ZHX1: variants seen among roughly 807,000 people sequenced by gnomAD.
The protein encoded by ZHX1 is zinc fingers and homeoboxes 1, also known as zinc fingers and homeoboxes protein 1.
A neutral mutation model predicts 61.8 loss-of-function variants in ZHX1; 20 were observed. The ratio of observed to expected loss-of-function variants is 0.32; its 90% CI spans 0.23 to 0.47. ZHX1 has a LOEUF of 0.47. ZHX1 is among the 20% of genes least tolerant of loss of function. The pLI, the probability that ZHX1 is intolerant of heterozygous loss-of-function variation, is 1.00. For missense variants in ZHX1, 800 were observed against 1,034.8 expected (o/e 0.77, Z 3.11); for synonymous variants, 318 against 352.6 (o/e 0.90, Z 1.10).
chr8:123,269,765 T>C (rs1437658253), intron 1 of ZHX1, among the ~76,000 whole-genome samples: 2 of 152,250 alleles, frequency 1.3e-5, no homozygotes. Context: ...TTCTGGAATA[T>C]TCCTTGGTAC....
Position 123,255,327 on chromosome 8 carries a change from G to C in ZHX1, c.620C>G (p.Pro207Arg). Residue 207 changes from proline (P) to arginine (R), a missense_variant, in exon 3 of 4, where the codon CCT (proline) becomes CGT (arginine). Transcript: ENST00000395571. ...TTTGATTTCATTCTCTTTCTCTTCA[G>C]GAACGTCCTCAACTGAGTTATGATG... ...AVHHNSVEDVPEEKENEIKPD... is the reference protein window; with the variant it reads ...AVHHNSVEDVREEKENEIKPD... 1 of 1,614,068 alleles carries C rather than the reference G, an allele frequency of 6.2e-7. No individual in the cohort carries two copies. The highest frequency in any genetic ancestry group is 8.5e-7 in the Non-Finnish European group (1 of 1,180,022).
chr8:123,267,607 C>T (rs1028751978), intron 1 of ZHX1, among the ~76,000 whole-genome samples: 2 of 151,918 alleles, frequency 1.3e-5, no homozygotes, highest in Admixed American at 6.6e-5. Context: ...TCATATAGAA[C>T]AACTAAATAA....
chr8:123,266,840 A>G (rs1249953648), intron 2 of ZHX1, among the ~76,000 whole-genome samples: 1 of 152,164 alleles, frequency 6.6e-6, no homozygotes, highest in African/African-American at 2.4e-5. Flanking sequence ...TTAGTAGCCT[A>G]CGTTTTGAAA....
At chr8:123,263,641 G>C (rs1826358943) in intron 2 of ZHX1, among the ~76,000 whole-genome samples, 1 of 151,996 alleles carries the variant, frequency 6.6e-6, no homozygotes, top group African/African-American at 2.4e-5. Flanking sequence ...AGACCAACCT[G>C]GTCAACGTGG....
At chr8:123,274,963 C>T (rs1826799388), upstream of ZHX1, among the ~76,000 whole-genome samples, 1 of 152,176 alleles carries the variant, frequency 6.6e-6, no homozygotes, top group South Asian at 2.1e-4. Context: ...CAGAAGTCGC[C>T]GCGCCCCTTG....
In ZHX1 at chr8:123,253,579, G is replaced by T. The variant is rs1403594071; in HGVS notation, c.2368C>A (p.Leu790Met). Residue 790 changes from leucine to methionine, a missense_variant, in exon 3 of 4, where the codon CTG becomes ATG. Leu to Met is a conservative substitution (Grantham distance 15). Coordinates refer to ENST00000395571, the MANE Select transcript of ZHX1 (RefSeq NM_007222.5). ...TGCTCATTAAGAAACTTGTGCTTCA[G>T]GTAATAATCCTTAAGTATTGCAGTT... ...TGTAILKDYYLKHKFLNEQDL... is the reference protein window; with the variant it reads ...TGTAILKDYYMKHKFLNEQDL... The T allele has an allele frequency of 1.2e-6, 2 of 1,614,082 alleles. No homozygotes were observed. Among genetic ancestry groups the T allele is most frequent in the Non-Finnish European group, 1.7e-6 (2 of 1,180,038 alleles).
rs73703787 is a variant in ZHX1, at chr8:123,262,173, G to A, written c.-226+5100C>T. 8.4e-3 allele frequency among the ~76,000 whole-genome samples: 1,281 copies of A among 152,272 alleles called. 15 individuals are homozygous for A. The highest frequency in any genetic ancestry group is 0.029 in the African/African-American group (1,202 of 41,548). On this transcript the variant is annotated intron_variant, in intron 2 of 3. Transcript: ENST00000395571. ...CAATAAAAAAAAGTATGCTGTCAAT[G>A]CATCCAGCACTGTAAATGTAATTAC... is the stretch of plus-strand genomic sequence containing the variant.
chr8:123,268,500 CT>C (rs910220448), intron 1 of ZHX1, among the ~76,000 whole-genome samples: 13 of 149,258 alleles, frequency 8.7e-5, no homozygotes, highest in African/African-American at 1.5e-4. Context: ...TGGTTGTATT[CT>C]TTTTTTTTTG....
In ZHX1 at chr8:123,248,746, T is replaced by C. The variant is rs1869248; in HGVS notation, c.*1578A>G. The C allele has an allele frequency of 2.0e-5, 3 of 152,622 alleles. No homozygotes were observed. Among genetic ancestry groups the C allele is most frequent in the Non-Finnish European group, 4.4e-5 (3 of 67,994 alleles). The allele number at this position is 152,622 out of a possible 1,614,324, so 9.5% of individuals were successfully genotyped here. A position where few individuals can be genotyped will look rare whatever the true frequency, so the allele number is the denominator to read the frequency against. ...AAAACTCAGACCACATTAGCAATGT[T>C]TATAAAAGGGAGCAATTTAATCATT... On this transcript the variant is annotated 3_prime_UTR_variant, in exon 4 of 4. Transcript: ENST00000395571.
rs1825996783 is a variant in ZHX1 at position 123,254,104 on chromosome 8, A to C, written c.1843T>G (p.Trp615Gly). Residue 615 changes from tryptophan to glycine, a missense_variant, in exon 3 of 4, where the codon TGG becomes GGG. Trp to Gly is a radical substitution (Grantham distance 184, BLOSUM62 -2). Transcript: ENST00000395571. This position sits in a 1 kb window ranked among gnomAD's most constrained non-coding sequence, Gnocchi z 4.1. ...TKLTRREIDA[W>G]FTEKKKSKAL... ...TTTGATTTCTTCTTCTCTGTAAACC[A>C]AGCATCGATTTCTCTTCTGGTAAGT... is the stretch of plus-strand genomic sequence containing the variant. 6.2e-7 allele frequency: 1 copy of C among 1,613,962 alleles called. No homozygotes were observed. The highest frequency in any genetic ancestry group is 8.5e-7 in the Non-Finnish European group (1 of 1,180,018).
chr8:123,258,126 T>TG (rs1563811143), intron 2 of ZHX1, among the ~76,000 whole-genome samples: 1 of 152,214 alleles, frequency 6.6e-6, no homozygotes, highest in Non-Finnish European at 1.5e-5. Flanking sequence ...GTCTGGGTCA[T>TG]GGGGTCAGAT....
intron 2 of ZHX1, among the ~76,000 whole-genome samples, chr8:123,266,557 G>C (rs73703789): frequency 0.036 from 5,472 of 152,078 alleles, 321 homozygotes; most frequent in African/African-American, 0.12. Context: ...TAGGACAAAT[G>C]CTTCTTATAA....
chr8:123,269,312 GTAAAGGCACCAGGA>G (rs1201779651), intron 1 of ZHX1, among the ~76,000 whole-genome samples: 2 of 152,196 alleles, frequency 1.3e-5, no homozygotes, highest in Non-Finnish European at 2.9e-5. Flanking sequence ...GCCAAGACAT[GTAAAGGCACCAGGA>G]TACCAGAGGA....
intron 2 of ZHX1, among the ~76,000 whole-genome samples, chr8:123,261,134 C>A (rs1826243966): frequency 6.6e-6 from 1 of 151,982 alleles, no homozygotes; most frequent in Non-Finnish European, 1.5e-5. Flanking sequence ...CTGAGAAGTC[C>A]CAAAAGAGTT....
intron 3 of ZHX1, chr8:123,252,620 T>G (rs1406269701): frequency 6.6e-6 from 1 of 152,180 alleles, no homozygotes; most frequent in Non-Finnish European, 1.5e-5. Flanking sequence ...ATATCACAGT[T>G]TTCAAAGACA....
At position 123,250,873 on chromosome 8, in the gene ZHX1, T is replaced by C. The variant is rs968997435; in HGVS notation, c.*4-553A>G. On this transcript the variant is annotated intron_variant, in intron 3 of 3. Coordinates refer to ENST00000395571, the MANE Select transcript of ZHX1 (RefSeq NM_007222.5). ...TATTTAAAAAGGCATGCTTCTATGC[T>C]ATCACAAAAGTATATAATATGGTTT... 1.4e-4 allele frequency among the ~76,000 whole-genome samples: 22 copies of C among 152,376 alleles called. 1 individual carries two copies. The highest frequency in any genetic ancestry group is 4.3e-4 in the African/African-American group (18 of 41,592).
chr8:123,255,150 G>C lies in ZHX1; in HGVS notation c.797C>G (p.Ala266Gly). The C allele has an allele frequency of 6.2e-7, 1 of 1,614,182 alleles. No homozygotes were observed. The highest frequency in any genetic ancestry group is 1.3e-5 in the African/African-American group (1 of 75,058). ...ATTAGAATTCTGCTGAGCAGATACA[G>C]CAGTTATCACCTGTGCCAATCCAGG... ...VLPGLAQVIT[A>G]VSAQQNSNLI... is the part of the protein sequence containing the mutation. The change falls in exon 3 of 4, where the codon GCT becomes GGT. Residue 266 changes from alanine (A) to glycine (G), a missense_variant. Ala to Gly is a moderately conservative substitution (Grantham distance 60). Transcript: ENST00000395571.
chr8:123,261,176 T>C (rs1826245676), intron 2 of ZHX1, among the ~76,000 whole-genome samples: 1 of 152,208 alleles, frequency 6.6e-6, no homozygotes, highest in Admixed American at 6.5e-5. Context: ...CAATTCTGCA[T>C]AATGTGTATA....
Position 123,248,926 on chromosome 8 carries a change from C to T in ZHX1, c.*1398G>A, listed in dbSNP as rs1825844890. On this transcript the variant is annotated 3_prime_UTR_variant, in exon 4 of 4. Transcript: ENST00000395571. ...CCAGCTGTCTGAGTGAGGAAATCAG[C>T]TACATTGCAGCATTTTGGAATTACT... 1 of 152,336 alleles carries T rather than the reference C, an allele frequency of 6.6e-6. No individual in the cohort carries two copies. Among genetic ancestry groups the T allele is most frequent in the Non-Finnish European group, 1.5e-5 (1 of 67,980 alleles). 9.4% of individuals were successfully genotyped at this position (152,336 alleles called of 1,614,324 possible). A position where few individuals can be genotyped will look rare whatever the true frequency, so the allele number is the denominator to read the frequency against.
Sources: allele counts gnomAD v4.1 joint callset (sites outside exome capture counted in the v4.1 genomes callset), GRCh38; gene constraint gnomAD v4.1.1; non-coding constraint Gnocchi (gnomAD v3.1); transcripts MANE v1.5; gene names NCBI Gene and HGNC (gene_info 2026-07-23, HGNC 2026-07-21).